ERBB4: variants seen among roughly 807,000 people sequenced by gnomAD.
ERBB4 encodes receptor tyrosine-protein kinase erbB-4.
ERBB4 carries 42 observed loss-of-function variants against 158.0 expected under a neutral mutation model. The ratio of observed to expected loss-of-function variants is 0.27; its 90% CI spans 0.21 to 0.34. The LOEUF (loss-of-function observed/expected upper bound fraction) is 0.34, where lower values mean the gene tolerates loss of function less well. Among genes scored for constraint, ERBB4 ranks in the 10% least tolerant of loss-of-function variants. ERBB4 has a pLI of 1.00. For synonymous variants in ERBB4, 583 were observed against 558.7 expected, an observed-to-expected ratio of 1.04 and a Z score of -0.61; for missense variants, 1,333 against 1,624.1, an observed-to-expected ratio of 0.82 and a Z score of 3.08.
chr2:211,761,794 G>T (rs1389020887), intron 4 of ERBB4, among the ~76,000 whole-genome samples: 1 of 152,146 alleles, frequency 6.6e-6, no homozygotes, highest in Non-Finnish European at 1.5e-5. Flanking sequence ...TTACAGTATT[G>T]TCACTTACTT....
chr2:212,380,545 A>G (rs2090470056), intron 1 of ERBB4, among the ~76,000 whole-genome samples: 1 of 150,664 alleles, frequency 6.6e-6, no homozygotes, highest in Non-Finnish European at 1.5e-5. Flanking sequence ...TTGTTTAGGA[A>G]ATTGACATCA....
At chr2:212,328,499 C>T (rs1308973310) in intron 1 of ERBB4, among the ~76,000 whole-genome samples, 1 of 151,962 alleles carries the variant, frequency 6.6e-6, no homozygotes, top group African/African-American at 2.4e-5. Flanking sequence ...TACAGAGTAG[C>T]ATATGAAGCT....
At chr2:212,366,648 C>G (rs1010192428) in intron 1 of ERBB4, among the ~76,000 whole-genome samples, 2 of 151,896 alleles carry the variant, frequency 1.3e-5, no homozygotes, top group African/African-American at 2.4e-5. Context: ...ATAAGACAAT[C>G]ACCAATAAAA....
intron 3 of ERBB4, among the ~76,000 whole-genome samples, chr2:211,899,208 T>G (rs1291205671): frequency 6.6e-6 from 1 of 152,154 alleles, no homozygotes; most frequent in Non-Finnish European, 1.5e-5. Flanking sequence ...ATAGGAAAAC[T>G]TATGAGCACT....
Position 211,557,910 on chromosome 2 carries a change from A to G in ERBB4, c.2487+3993T>C, listed in dbSNP as rs111967167. 3.5e-3 allele frequency among the ~76,000 whole-genome samples: 536 copies of G among 152,284 alleles called. 5 individuals carry two copies. The highest frequency in any genetic ancestry group is 0.012 in the African/African-American group (510 of 41,576). ...AGACTGGATAAATAAAATGTGGTACATATATACCTTGGAATACCATGCAGC... is the reference window on the plus strand; with the variant it reads ...AGACTGGATAAATAAAATGTGGTACGTATATACCTTGGAATACCATGCAGC... On this transcript the variant is annotated intron_variant, in intron 20 of 27. Transcript: ENST00000342788.
intron 12 of ERBB4, among the ~76,000 whole-genome samples, chr2:211,681,073 C>G (rs959290801): frequency 4.6e-5 from 7 of 152,210 alleles, no homozygotes; most frequent in African/African-American, 1.7e-4. Context: ...CATTAGTTTG[C>G]ATTTTCTATA....
chr2:212,002,612 G>A (rs913623282), intron 2 of ERBB4, among the ~76,000 whole-genome samples: 1 of 151,978 alleles, frequency 6.6e-6, no homozygotes, highest in Admixed American at 6.5e-5. Flanking sequence ...CAAACAAACA[G>A]TACTAACATC....
At chr2:212,144,596 C>T (rs955540995) in intron 1 of ERBB4, among the ~76,000 whole-genome samples, 8 of 152,166 alleles carry the variant, frequency 5.3e-5, no homozygotes, top group Non-Finnish European at 7.4e-5. Flanking sequence ...ACTCAATTTA[C>T]ATTTCCCTAA....
At chr2:212,406,848 G>A (rs948742759) in intron 1 of ERBB4, among the ~76,000 whole-genome samples, 1 of 151,952 alleles carries the variant, frequency 6.6e-6, no homozygotes, top group Non-Finnish European at 1.5e-5. Flanking sequence ...TCTTCATGAG[G>A]TGACTCTCCT....
intron 20 of ERBB4, among the ~76,000 whole-genome samples, chr2:211,541,060 A>T (rs1242734562): frequency 1.3e-5 from 2 of 152,010 alleles, no homozygotes; most frequent in East Asian, 1.9e-4. Flanking sequence ...CTGTGATTAT[A>T]TCTAAGAAAC....
chr2:211,382,154 TTG>T lies in ERBB4; in HGVS notation c.*1459_*1460del, dbSNP rs1481760054. 8.6e-6 allele frequency: 2 copies of T among 231,258 alleles called. No individual in the cohort carries two copies. Among genetic ancestry groups the T allele is most frequent in the African/African-American group, 4.4e-5 (2 of 45,358 alleles). The allele number at this position is 231,258 out of a possible 1,614,324, so 14.3% of individuals were successfully genotyped here. A position where few individuals can be genotyped will look rare whatever the true frequency, so the allele number is the denominator to read the frequency against. On this transcript the variant is annotated 3_prime_UTR_variant, in exon 28 of 28. Transcript: ENST00000342788. ...GGACCTATCCCTAAGCTTTGAATGT[TTG>T]TGTTTTTCTTTTTATTATACCAATT... is the stretch of plus-strand genomic sequence containing the variant.
intron 5 of ERBB4, among the ~76,000 whole-genome samples, chr2:211,732,511 C>G (rs1377929570): frequency 6.6e-6 from 1 of 152,162 alleles, no homozygotes; most frequent in Non-Finnish European, 1.5e-5. Context: ...GATAGCTACT[C>G]TAAATAAACC....
chr2:212,228,530 T>C (rs2083552474), intron 1 of ERBB4, among the ~76,000 whole-genome samples: 1 of 152,210 alleles, frequency 6.6e-6, no homozygotes, highest in South Asian at 2.1e-4. Flanking sequence ...AGCAAGAACA[T>C]TTTTATGGGA....
chr2:211,898,971 T>A (rs2079166244), intron 3 of ERBB4, among the ~76,000 whole-genome samples: 1 of 152,176 alleles, frequency 6.6e-6, no homozygotes, highest in Non-Finnish European at 1.5e-5. Context: ...CCTTCTCCTA[T>A]GTTGCACTTA....
At chr2:211,507,882 G>A (rs936741533) in intron 20 of ERBB4, among the ~76,000 whole-genome samples, 2 of 152,134 alleles carry the variant, frequency 1.3e-5, no homozygotes, top group Non-Finnish European at 2.9e-5. Context: ...AAGCAATGGA[G>A]AAAGGATTCC....
chr2:211,605,078 G>C (rs1217298436), intron 19 of ERBB4, among the ~76,000 whole-genome samples: 1 of 152,122 alleles, frequency 6.6e-6, no homozygotes, highest in East Asian at 1.9e-4. Context: ...TTACCATGAT[G>C]AATGGAAGAA....
chr2:211,499,735 T>TTAA, intron 20 of ERBB4, among the ~76,000 whole-genome samples: 1 of 152,160 alleles, frequency 6.6e-6, no homozygotes, highest in African/African-American at 2.4e-5. Flanking sequence ...AACAATAGGG[T>TTAA]ATTTTGCTTT....
At chr2:211,471,908 G>A (rs905490258) in intron 20 of ERBB4, among the ~76,000 whole-genome samples, 8 of 152,082 alleles carry the variant, frequency 5.3e-5, no homozygotes, top group Non-Finnish European at 1.0e-4. Context: ...TCAAGAGGAC[G>A]AAGCAAGAGG....
At chr2:211,638,976 T>A (rs994850488) in intron 16 of ERBB4, among the ~76,000 whole-genome samples, 7 of 152,098 alleles carry the variant, frequency 4.6e-5, no homozygotes, top group African/African-American at 1.7e-4. Context: ...TCAGAATATA[T>A]ATAATCTATC....
Sources: gnomAD v4.1 joint callset for allele counts (sites outside exome capture counted in the v4.1 genomes callset) on GRCh38, gnomAD v4.1.1 for gene constraint, MANE v1.5 for transcripts, NCBI Gene and HGNC (gene_info 2026-07-23, HGNC 2026-07-21) for gene names.